Variants in BAIAP2L2 observed in about 807,000 individuals in gnomAD.
The protein encoded by BAIAP2L2 is BAR/IMD domain-containing adapter protein 2-like 2.
In BAIAP2L2, 65 loss-of-function variants were observed where a neutral mutation model predicts 60.4. That is an observed-to-expected ratio of 1.08 (90% CI 0.88 to 1.32). The LOEUF (loss-of-function observed/expected upper bound fraction) is 1.32, where lower values mean the gene tolerates loss of function less well. Among genes scored for constraint, BAIAP2L2 ranks in the 40% most tolerant of loss-of-function variants. The probability of loss-of-function intolerance (pLI) is 0.00; values close to 1 mark genes in which losing one functional copy is unlikely to be tolerated. For synonymous variants in BAIAP2L2, 344 were observed against 301.7 expected (o/e 1.14, Z -1.45); for missense variants, 836 against 741.2 (o/e 1.13, Z -1.48).
chr22:38,089,895 C>A (rs949503514), intron 7 of BAIAP2L2, among the ~76,000 whole-genome samples: 1 of 152,000 alleles, frequency 6.6e-6, no homozygotes, highest in Admixed American at 6.6e-5. Context: ...TCTGACCCCC[C>A]GCTTCCCGCG....
At chr22:38,107,720 A>G in intron 4 of BAIAP2L2, 132 bp downstream of exon 4, 1 of 808,806 alleles carries the variant, frequency 1.2e-6, no homozygotes, top group Non-Finnish European at 2.1e-6. Context: ...CGTGCCCCAC[A>G]GAGCCGGGTG....
intron 11 of BAIAP2L2, among the ~76,000 whole-genome samples, chr22:38,086,654 A>G (rs2086083813): frequency 6.6e-6 from 1 of 152,052 alleles, no homozygotes; most frequent in Non-Finnish European, 1.5e-5. Context: ...AGAGGGGCTC[A>G]GGGCCGGTGG....
At chr22:38,092,800 C>G (rs1028132184) in intron 7 of BAIAP2L2, among the ~76,000 whole-genome samples, 4 of 151,966 alleles carry the variant, frequency 2.6e-5, no homozygotes, top group African/African-American at 4.8e-5. Context: ...GGGCAGCTCC[C>G]TCATAAATGG....
chr22:38,091,053 A>G (rs1407088761), intron 7 of BAIAP2L2: 10 of 152,252 alleles, frequency 6.6e-5, no homozygotes, highest in African/African-American at 1.9e-4. Context: ...TAGGTTCTGC[A>G]TATCTTTCTT....
intron 1 of BAIAP2L2, 129 bp from the exon 2 acceptor site, chr22:38,109,337 G>A: frequency 2.7e-6 from 2 of 731,748 alleles, no homozygotes; most frequent in Middle Eastern, 2.5e-4. Flanking sequence ...CCAGACTTTG[G>A]GGGGCCCATC....
chr22:38,108,390 C>G (rs1468023545), intron 2 of BAIAP2L2, 49 bp from the exon 3 acceptor site: 1 of 1,437,374 alleles, frequency 7.0e-7, no homozygotes, highest in Non-Finnish European at 9.6e-7. Flanking sequence ...TCTGCCCCAC[C>G]CTTCTGGAGG....
Position 38,109,167 on chromosome 22 carries a change from CA to C in BAIAP2L2, c.92del (p.Val31GlyfsTer55). 6.2e-7 allele frequency: 1 copy of C among 1,613,172 alleles called. No individual in the cohort carries two copies. The highest frequency in any genetic ancestry group is 1.1e-5 in the South Asian group (1 of 91,076). On this transcript the variant is annotated frameshift_variant, in exon 2 of 14. Transcript: ENST00000381669. LOFTEE classifies it high-confidence loss of function. ...CACGCAGGTAGTTGTTGCCCAGGTA[CA>C]CCAGGTTCTCCAGGGCGGGGTTAAA... ...EQFNPALENLVYLGNNYLRAF... is the reference protein window; with the variant it reads ...EQFNPALENLXYLGNNYLRAF...
chr22:38,101,868 CAAACA>C (rs1555968262), intron 4 of BAIAP2L2, among the ~76,000 whole-genome samples: 1 of 144,790 alleles, frequency 6.9e-6, no homozygotes, highest in Non-Finnish European at 1.5e-5. Flanking sequence ...AACAAACAAA[CAAACA>C]AAACAAAACA....
chr22:38,102,767 C>T (rs1602024541), intron 4 of BAIAP2L2, among the ~76,000 whole-genome samples: 2 of 151,716 alleles, frequency 1.3e-5, no homozygotes, highest in African/African-American at 2.4e-5. Flanking sequence ...CGGCCGGGTG[C>T]GGTGGCTCAC....
intron 7 of BAIAP2L2, among the ~76,000 whole-genome samples, chr22:38,093,094 A>T (rs184879507): frequency 6.6e-6 from 1 of 152,148 alleles, no homozygotes; most frequent in Non-Finnish European, 1.5e-5. Flanking sequence ...TGAACCCAGG[A>T]GGTGGAGGTT....
intron 4 of BAIAP2L2, among the ~76,000 whole-genome samples, chr22:38,101,949 T>A (rs2086577682): frequency 6.6e-6 from 1 of 151,986 alleles, no homozygotes; most frequent in Admixed American, 6.6e-5. Context: ...TGACAGTATA[T>A]CTCTACAACC....
intron 13 of BAIAP2L2, 126 bp from the exon 14 acceptor site, chr22:38,085,501 C>G (rs2086032584): frequency 2.1e-5 from 27 of 1,286,252 alleles, no homozygotes; most frequent in Non-Finnish European, 3.0e-5. Context: ...CCATCCACTC[C>G]TTGCCCCGCT....
In BAIAP2L2 at chr22:38,087,165, G is replaced by GTCATGGGT. The variant is rs772162938; in HGVS notation, c.1217_1218insACCCATGA (p.Met411Ter). 8 of 960,832 alleles carry GTCATGGGT rather than the reference G, an allele frequency of 8.3e-6. No homozygotes were observed. The South Asian group carries it at 1.2e-4, about 15-fold the overall frequency. The allele number at this position is 960,832 out of a possible 1,614,324, so 59.5% of individuals were successfully genotyped here. A position where few individuals can be genotyped will look rare whatever the true frequency, so the allele number is the denominator to read the frequency against. ...TCCCGGGGTTCATGGGTGTCATGGG[G>GTCATGGGT]GACATGGAGGTCATGGAGGTCATGG... On this transcript the variant is annotated frameshift_variant, in exon 11 of 14. Transcript: ENST00000381669. LOFTEE classifies it high-confidence loss of function.
rs1427072205 is a variant in BAIAP2L2, at chr22:38,097,093, T to TAGCGCCGCTTCTCTTCCAATTC, written c.529_550dup (p.Tyr184Ter). ...CAGGTGCTTCTCTGCTAGGAAGCGA[T>TAGCGCCGCTTCTCTTCCAATTC]AGCGCCGCTTCTCTTCCAATTCAGC... On this transcript the variant is annotated stop_gained and frameshift_variant, in exon 7 of 14. Coordinates refer to ENST00000381669, the MANE Select transcript of BAIAP2L2 (RefSeq NM_025045.6). LOFTEE classifies it high-confidence loss of function. 6.2e-7 allele frequency: 1 copy of TAGCGCCGCTTCTCTTCCAATTC among 1,614,096 alleles called. No individual in the cohort carries two copies. Among genetic ancestry groups the TAGCGCCGCTTCTCTTCCAATTC allele is most frequent in the South Asian group, 1.1e-5 (1 of 91,090 alleles).
intron 4 of BAIAP2L2, among the ~76,000 whole-genome samples, chr22:38,106,136 C>A (rs2086660422): frequency 6.6e-6 from 1 of 152,228 alleles, no homozygotes; most frequent in Non-Finnish European, 1.5e-5. Flanking sequence ...GGGCTTAATG[C>A]TACATCCTAA....
chr22:38,103,835 C>G (rs930179213), intron 4 of BAIAP2L2, among the ~76,000 whole-genome samples: 1 of 149,866 alleles, frequency 6.7e-6, no homozygotes, highest in Non-Finnish European at 1.5e-5. Context: ...TGTACTCCAG[C>G]CTCGGTGACA....
chr22:38,086,179 G>C (rs1306988413), intron 12 of BAIAP2L2, 63 bp downstream of exon 12: 1 of 1,527,204 alleles, frequency 6.5e-7, no homozygotes, highest in African/African-American at 1.4e-5. Flanking sequence ...AGAGCCTCGG[G>C]ATCCCTGCTC....
At chr22:38,108,129 A>T in intron 3 of BAIAP2L2, 126 bp downstream of exon 3, 1 of 1,042,876 alleles carries the variant, frequency 9.6e-7, no homozygotes, top group Non-Finnish European at 1.4e-6. Context: ...CCTGGGCCCC[A>T]GAACAAGAGT....
At chr22:38,110,346 A>G in intron 1 of BAIAP2L2, 129 bp downstream of exon 1, 1 of 974,882 alleles carries the variant, frequency 1.0e-6, no homozygotes. Context: ...CCCCTGGCCC[A>G]GCCTGGCTCC....
Sources: allele counts gnomAD v4.1 joint callset (sites outside exome capture counted in the v4.1 genomes callset), GRCh38; gene constraint gnomAD v4.1.1; transcripts MANE v1.5; gene names NCBI Gene and HGNC (gene_info 2026-07-23, HGNC 2026-07-21).